TMEM131: variants seen among roughly 807,000 people sequenced by gnomAD.
The protein encoded by TMEM131 is transmembrane protein 131.
In TMEM131, 66 loss-of-function variants were observed where a neutral mutation model predicts 211.6. The ratio of observed to expected loss-of-function variants is 0.31; its 90% CI spans 0.26 to 0.38. The LOEUF (loss-of-function observed/expected upper bound fraction) is 0.38. Ranked by LOEUF, TMEM131 falls within the 10% of genes least tolerant of loss-of-function variation. The probability of loss-of-function intolerance (pLI) is 1.00; values close to 1 mark genes in which losing one functional copy is unlikely to be tolerated. For missense variants in TMEM131, 2,036 were observed against 2,299.3 expected (o/e 0.89, Z 2.34); for synonymous variants, 844 against 841.3 (o/e 1.00, Z -0.06).
chr2:97,966,533 T>C (rs1465549827), intron 1 of TMEM131, among the ~76,000 whole-genome samples: 2 of 152,132 alleles, frequency 1.3e-5, no homozygotes, highest in African/African-American at 4.8e-5. Context: ...ATCCAGTGTC[T>C]GACACAGTGG....
intron 4 of TMEM131, among the ~76,000 whole-genome samples, chr2:97,862,826 GATA>G (rs1477143040): frequency 2.0e-5 from 3 of 152,152 alleles, no homozygotes; most frequent in African/African-American, 7.2e-5. Flanking sequence ...TATTTAAAGT[GATA>G]ATAACAGAAC....
In TMEM131 at chr2:97,881,707, CAA is replaced by C. The variant is rs1205367293; in HGVS notation, c.359+6343_359+6344del. Among the ~76,000 whole-genome samples the C allele has an allele frequency of 4.5e-4, 25 of 55,326 alleles. No individual in the cohort carries two copies. In the East Asian group the frequency reaches 7.3e-3, roughly 16 times the overall value. 36.3% of individuals were successfully genotyped at this position (55,326 alleles called of 152,430 possible). The stretch of plus-strand genomic sequence containing the variant: ...GCCAGGCCTAAAGGCTGGATAACTG[CAA>C]AAAAAAAAAAAAAAGGGGGGGGGGC... On this transcript the variant is annotated intron_variant, in intron 4 of 40. Transcript: ENST00000186436.
At chr2:97,799,504 G>T (rs1314403527) in intron 25 of TMEM131, among the ~76,000 whole-genome samples, 1 of 152,182 alleles carries the variant, frequency 6.6e-6, no homozygotes, top group Non-Finnish European at 1.5e-5. Context: ...CATCTGGCAG[G>T]TATTTTCACA....
chr2:97,847,652 A>C (rs1267662658), intron 5 of TMEM131, among the ~76,000 whole-genome samples: 3 of 152,342 alleles, frequency 2.0e-5, no homozygotes, highest in African/African-American at 4.8e-5. Context: ...TCTAAGGAGA[A>C]GTAACAACTA....
intron 29 of TMEM131, among the ~76,000 whole-genome samples, chr2:97,794,709 A>G (rs1476658113): frequency 6.6e-6 from 1 of 152,220 alleles, no homozygotes; most frequent in Non-Finnish European, 1.5e-5. Flanking sequence ...CTTAATTTGT[A>G]TAACAAATTT....
chr2:97,766,483 G>A lies in TMEM131; in HGVS notation c.4568C>T (p.Thr1523Ile), dbSNP rs1287453608. The change falls in exon 34 of 41, where the codon ACA becomes ATA. Residue 1523 changes from threonine (T) to isoleucine (I), a missense_variant. Transcript: ENST00000186436. ...AGAGAACAAGATGACAATACCTTTTGTTTTCTGGGCATTTCGTGATTTGGA... is the reference window on the plus strand; with the variant it reads ...AGAGAACAAGATGACAATACCTTTTATTTTCTGGGCATTTCGTGATTTGGA... The part of the protein sequence containing the change: ...SGSKSRNAQK[T>I]KGTSKLVDNR... The A allele has an allele frequency of 6.2e-7, 1 of 1,613,920 alleles. No homozygotes were observed. Among genetic ancestry groups the A allele is most frequent in the South Asian group, 1.1e-5 (1 of 91,068 alleles).
intron 15 of TMEM131, among the ~76,000 whole-genome samples, chr2:97,813,170 G>A (rs114397782): frequency 0.029 from 4,442 of 152,232 alleles, 79 homozygotes; most frequent in Middle Eastern, 0.065. Context: ...ACATGAAAGA[G>A]GCAGGAAGCT....
At chr2:97,819,890 T>A (rs890385344) in intron 11 of TMEM131, among the ~76,000 whole-genome samples, 1 of 152,188 alleles carries the variant, frequency 6.6e-6, no homozygotes, top group African/African-American at 2.4e-5. Context: ...GAAATCTGCC[T>A]CAACAGAACA....
chr2:97,831,455 G>A (rs1682682676), intron 11 of TMEM131, among the ~76,000 whole-genome samples: 1 of 152,074 alleles, frequency 6.6e-6, no homozygotes, highest in Non-Finnish European at 1.5e-5. Context: ...GCGGGAATAA[G>A]AGAAAACTAC....
chr2:97,871,532 C>A (rs927344244), intron 4 of TMEM131, among the ~76,000 whole-genome samples: 3 of 152,180 alleles, frequency 2.0e-5, no homozygotes, highest in Admixed American at 2.0e-4. Flanking sequence ...ACTACAGAAC[C>A]TAAGGTTGGT....
chr2:97,779,922 A>G (rs1450169861), intron 31 of TMEM131, among the ~76,000 whole-genome samples: 1 of 152,210 alleles, frequency 6.6e-6, no homozygotes, highest in African/African-American at 2.4e-5. Flanking sequence ...CAGAAGGCTG[A>G]GGCAGGAGGA....
chr2:97,870,211 T>C (rs1674436060), intron 4 of TMEM131, among the ~76,000 whole-genome samples: 1 of 152,188 alleles, frequency 6.6e-6, no homozygotes, highest in African/African-American at 2.4e-5. Flanking sequence ...CAAAATCCTC[T>C]ATAGCAACAC....
chr2:97,956,244 A>G (rs1678561531), intron 1 of TMEM131, among the ~76,000 whole-genome samples: 1 of 152,206 alleles, frequency 6.6e-6, no homozygotes. Context: ...AAAATAATCC[A>G]CTGGAGGAAT....
In TMEM131 at chr2:97,759,283, C is replaced by T. The variant is rs545160144; in HGVS notation, c.5207-230G>A. 5.2e-6 allele frequency: 3 copies of T among 579,214 alleles called. No homozygotes were observed. In the South Asian group the frequency reaches 6.5e-5, roughly 12 times the overall value. 35.9% of individuals were successfully genotyped at this position (579,214 alleles called of 1,614,324 possible). On this transcript the variant is annotated intron_variant, in intron 39 of 40. Coordinates refer to ENST00000186436, the MANE Select transcript of TMEM131 (RefSeq NM_015348.2). ...CAATGACATCCAAATGCAAACTTTC[C>T]CCACTCTCACATGATAGCTAATGGG...
chr2:97,785,723 T>C (rs1680216148), intron 31 of TMEM131, among the ~76,000 whole-genome samples: 1 of 152,244 alleles, frequency 6.6e-6, no homozygotes. Context: ...CACAAATATT[T>C]GTAGCATCTT....
At chr2:97,796,099 G>GAA in intron 28 of TMEM131, 119 bp downstream of exon 28, 6 of 575,110 alleles carry the variant, frequency 1.0e-5, no homozygotes, top group South Asian at 3.1e-5. Flanking sequence ...AAGATTAAGT[G>GAA]AAAAAAAAAC....
chr2:97,844,317 G>A (rs1683327409), intron 5 of TMEM131, 56 bp from the exon 6 acceptor site: 1 of 545,722 alleles, frequency 1.8e-6, no homozygotes, highest in Non-Finnish European at 2.9e-6. Context: ...TACAGCTCAA[G>A]TTCCTTAAAC....
intron 5 of TMEM131, 77 bp from the exon 6 acceptor site, chr2:97,844,338 G>T: frequency 2.3e-6 from 1 of 438,604 alleles, no homozygotes; most frequent in Non-Finnish European, 4.0e-6. Flanking sequence ...AAGTTTCTTA[G>T]AATCACTTCC....
chr2:97,993,424 C>T (rs1381165681), intron 1 of TMEM131, among the ~76,000 whole-genome samples: 2 of 152,150 alleles, frequency 1.3e-5, no homozygotes. Context: ...AAATAAATTG[C>T]TTTTCCCCTA....
Sources: gnomAD v4.1 joint callset for allele counts (sites outside exome capture counted in the v4.1 genomes callset) on GRCh38, gnomAD v4.1.1 for gene constraint, MANE v1.5 for transcripts, NCBI Gene and HGNC (gene_info 2026-07-23, HGNC 2026-07-21) for gene names.